Variants in TTBK2 observed in about 807,000 individuals in gnomAD.
The protein encoded by TTBK2 is tau tubulin kinase 2.
A neutral mutation model predicts 110.8 loss-of-function variants in TTBK2; 28 were observed. That is an observed-to-expected ratio of 0.25 (90% CI 0.19 to 0.35). The LOEUF is 0.35. Among genes scored for constraint, TTBK2 ranks in the 10% least tolerant of loss-of-function variants. The probability of loss-of-function intolerance (pLI) is 1.00; values close to 1 mark genes in which losing one functional copy is unlikely to be tolerated. For synonymous variants in TTBK2, 532 were observed against 527.3 expected, an observed-to-expected ratio of 1.01 and a Z score of -0.12; for missense variants, 1,369 against 1,500.3, an observed-to-expected ratio of 0.91 and a Z score of 1.45.
chr15:42,912,743 TACATTTTAAAATAAA>T (rs1287611463), intron 1 of TTBK2, among the ~76,000 whole-genome samples: 3 of 152,072 alleles, frequency 2.0e-5, no homozygotes, highest in Non-Finnish European at 4.4e-5. Context: ...TCTAAATTGT[TACATTTTAAAATAAA>T]ACAAGATCAT....
rs73413003 is a variant in TTBK2 at position 42,801,251 on chromosome 15, G to A, written c.823-6450C>T. On this transcript the variant is annotated intron_variant, in intron 9 of 14. Coordinates refer to ENST00000267890, the MANE Select transcript of TTBK2 (RefSeq NM_173500.4). The stretch of plus-strand genomic sequence containing the variant: ...CCTCCAACAGCTTCCTGTAGGTGGC[G>A]ATCTTGATATCCAGGGCCAGCTTGA... 3,227 of 1,544,944 alleles carry A rather than the reference G, an allele frequency of 2.1e-3. 53 individuals carry two copies. In the African/African-American group the frequency reaches 0.037, roughly 18 times the overall value.
chr15:42,819,253 G>A (rs1347527175), intron 6 of TTBK2, among the ~76,000 whole-genome samples: 2 of 151,136 alleles, frequency 1.3e-5, no homozygotes, highest in Admixed American at 1.3e-4. Context: ...CAGATCACAA[G>A]GTCAAGAGAT....
intron 1 of TTBK2, among the ~76,000 whole-genome samples, chr15:42,913,473 A>G (rs1008958446): frequency 6.6e-5 from 10 of 152,174 alleles, no homozygotes; most frequent in African/African-American, 2.4e-4. Flanking sequence ...CCCCGTCTCT[A>G]CTAAAAATAC....
At chr15:42,786,356 C>T (rs141779639) in intron 10 of TTBK2, among the ~76,000 whole-genome samples, 2 of 152,246 alleles carry the variant, frequency 1.3e-5, no homozygotes, top group Admixed American at 6.5e-5. Context: ...ATAATGGACA[C>T]TAACATACAT....
At chr15:42,885,447 G>A (rs928493884) in intron 1 of TTBK2, among the ~76,000 whole-genome samples, 1 of 151,920 alleles carries the variant, frequency 6.6e-6, no homozygotes, top group Non-Finnish European at 1.5e-5. Context: ...TTCATTTCTG[G>A]TAGAGACAAA....
chr15:42,887,124 A>T (rs1294772606), intron 1 of TTBK2, among the ~76,000 whole-genome samples: 1 of 152,200 alleles, frequency 6.6e-6, no homozygotes, highest in Non-Finnish European at 1.5e-5. Flanking sequence ...GTGGGTATTG[A>T]CAGCCAGCCT....
Position 42,752,380 on chromosome 15 carries a change from A to C in TTBK2, c.2866T>G (p.Leu956Val). ...PVLAQEIDST[L>V]ESSSPVSAKE... ...GCAGAAACTGGAGAGGATGATTCCAAAGTTGAGTCTATCTCTTGTGCTAAA... is the reference window on the plus strand; with the variant it reads ...GCAGAAACTGGAGAGGATGATTCCACAGTTGAGTCTATCTCTTGTGCTAAA... Residue 956 changes from leucine (L) to valine (V), a missense_variant, in exon 14 of 15, where the codon TTG becomes GTG. Leu to Val is a conservative substitution (Grantham distance 32). Around this residue, in one of 4 missense-constraint regions of TTBK2, gnomAD observed 1,097 missense variants for 1,114.7 expected, o/e 0.98. Coordinates refer to ENST00000267890, the MANE Select transcript of TTBK2 (RefSeq NM_173500.4). 4 of 1,614,224 alleles carry C rather than the reference A, an allele frequency of 2.5e-6. No homozygotes were observed. Among genetic ancestry groups the C allele is most frequent in the Non-Finnish European group, 3.4e-6 (4 of 1,180,046 alleles).
intron 3 of TTBK2, among the ~76,000 whole-genome samples, chr15:42,866,458 C>A (rs1369425382): frequency 6.6e-6 from 1 of 152,034 alleles, no homozygotes. Context: ...GATGAATGCA[C>A]TATTATAGCT....
rs147902988 is a variant in TTBK2 at position 42,760,278 on chromosome 15, C to A, written c.1999-7031G>T. ...GTGGGCACCTGTAATCCCAGCTACT[C>A]AGGAGGCTGAGGCAGAAGAATTGCT... On this transcript the variant is annotated intron_variant, in intron 13 of 14. Coordinates refer to ENST00000267890, the MANE Select transcript of TTBK2 (RefSeq NM_173500.4). Among the ~76,000 whole-genome samples the A allele has an allele frequency of 5.9e-3, 880 of 150,362 alleles. 10 individuals carry two copies. The highest frequency in any genetic ancestry group is 0.02 in the African/African-American group (831 of 40,942).
At chr15:42,808,697 A>T (rs1034757485) in intron 9 of TTBK2, among the ~76,000 whole-genome samples, 30 of 133,846 alleles carry the variant, frequency 2.2e-4, no homozygotes, top group African/African-American at 1.0e-3. Context: ...AAAAAAAATA[A>T]AAAAAAAAAG....
At chr15:42,778,750 T>C (rs1320180157) in intron 11 of TTBK2, among the ~76,000 whole-genome samples, 1 of 151,906 alleles carries the variant, frequency 6.6e-6, no homozygotes, top group Non-Finnish European at 1.5e-5. Context: ...AGAGATATGA[T>C]GGATACAATA....
chr15:42,804,958 C>G (rs1891397135), intron 9 of TTBK2, among the ~76,000 whole-genome samples: 1 of 152,176 alleles, frequency 6.6e-6, no homozygotes, highest in African/African-American at 2.4e-5. Context: ...CATGACTAAG[C>G]CAAAGGACAG....
At position 42,739,341 on chromosome 15, in the gene TTBK2, C is replaced by T. The variant is rs1730432793; in HGVS notation, c.*6454G>A. 1 of 152,210 alleles carries T rather than the reference C, an allele frequency of 6.6e-6. No individual in the cohort carries two copies. Among genetic ancestry groups the T allele is most frequent in the African/African-American group, 2.4e-5 (1 of 41,452 alleles). 9.4% of individuals were successfully genotyped at this position (152,210 alleles called of 1,614,324 possible). ...CATCTAACTCATTGGTCTTGTTCAA[C>T]AAGAAAGAATTCTGGTTTGTGGCTG... On this transcript the variant is annotated 3_prime_UTR_variant, in exon 15 of 15. Transcript: ENST00000267890.
chr15:42,762,642 G>A (rs560429874), intron 13 of TTBK2, among the ~76,000 whole-genome samples: 3 of 152,192 alleles, frequency 2.0e-5, no homozygotes, highest in South Asian at 2.1e-4. Flanking sequence ...GCTTGAACCC[G>A]GGAGGTGGTG....
intron 7 of TTBK2, among the ~76,000 whole-genome samples, chr15:42,815,920 ATATATTT>A (rs1280335358): frequency 3.3e-5 from 3 of 90,474 alleles, no homozygotes; most frequent in African/African-American, 1.9e-4. Context: ...AAAAATATAT[ATATATTT>A]AAAAATATAT....
At chr15:42,872,557 T>C in intron 3 of TTBK2, 54 bp downstream of exon 3, 3 of 1,584,512 alleles carry the variant, frequency 1.9e-6, no homozygotes, top group South Asian at 2.2e-5. Context: ...AAGATACAAA[T>C]AAATTATAAA....
At chr15:42,767,002 T>G (rs574757900) in intron 13 of TTBK2, among the ~76,000 whole-genome samples, 3 of 152,094 alleles carry the variant, frequency 2.0e-5, no homozygotes, top group Non-Finnish European at 4.4e-5. Flanking sequence ...CACAACTACA[T>G]GGAAACTGAA....
At chr15:42,767,893 A>G (rs1452456472) in intron 13 of TTBK2, among the ~76,000 whole-genome samples, 2 of 152,228 alleles carry the variant, frequency 1.3e-5, no homozygotes, top group Non-Finnish European at 2.9e-5. Context: ...ATCCAGCAGC[A>G]CGTCAAAAAG....
chr15:42,891,221 G>A (rs577021890), intron 1 of TTBK2, among the ~76,000 whole-genome samples: 28 of 145,070 alleles, frequency 1.9e-4, no homozygotes, highest in Admixed American at 4.3e-4. Context: ...CTGTCGCCCC[G>A]GCTGGAGTGC....
Sources: allele counts gnomAD v4.1 joint callset (sites outside exome capture counted in the v4.1 genomes callset), GRCh38; gene constraint gnomAD v4.1.1; regional missense constraint gnomAD v4.1.1; transcripts MANE v1.5; gene names NCBI Gene and HGNC (gene_info 2026-07-23, HGNC 2026-07-21).